The following BDP1 variants were observed in gnomAD, a reference collection of about 807,000 sequenced individuals.
BDP1 encodes the protein transcription factor TFIIIB component B'' homolog.
A neutral mutation model predicts 266.6 loss-of-function variants in BDP1; 169 were observed. The ratio of observed to expected loss-of-function variants is 0.63; its 90% CI spans 0.56 to 0.72. The LOEUF (loss-of-function observed/expected upper bound fraction) is 0.72. Among genes scored for constraint, BDP1 ranks in the 30% least tolerant of loss-of-function variants. The pLI is 0.00. For missense variants in BDP1, 3,015 were observed against 3,053.8 expected (o/e 0.99, Z 0.30); for synonymous variants, 1,090 against 1,022.4 (o/e 1.07, Z -1.26).
chr5:71,489,078 A>G (rs772446964), intron 9 of BDP1, among the ~76,000 whole-genome samples: 4 of 152,230 alleles, frequency 2.6e-5, no homozygotes, highest in Admixed American at 6.5e-5. Context: ...AACCCAGTGT[A>G]AGTCAAGGAG....
At position 71,510,709 on chromosome 5, in the gene BDP1, A is replaced by C. The variant is rs569498892; in HGVS notation, c.3617A>C (p.Glu1206Ala). The change falls in exon 17 of 39, where the codon GAA becomes GCA. Residue 1206 changes from glutamate (E) to alanine (A), a missense_variant. Glu to Ala is a moderately radical substitution (Grantham distance 107, BLOSUM62 -1). Coordinates refer to ENST00000358731, the MANE Select transcript of BDP1 (RefSeq NM_018429.3). ...IETDLEETER[E>A]ISPQENGPEE... is the part of the protein sequence containing the mutation. Reference sequence around the variant, plus strand: ...ACAGATTTGGAAGAAACTGAAAGAGAAATATCGCCACAGGAAAATGGCCCA... The same window carrying C: ...ACAGATTTGGAAGAAACTGAAAGAGCAATATCGCCACAGGAAAATGGCCCA... The C allele has an allele frequency of 6.2e-7, 1 of 1,614,006 alleles. No homozygotes were observed. The highest frequency in any genetic ancestry group is 1.3e-5 in the African/African-American group (1 of 75,054).
intron 4 of BDP1, among the ~76,000 whole-genome samples, chr5:71,464,428 A>G (rs1434273234): frequency 6.6e-6 from 1 of 152,096 alleles, no homozygotes; most frequent in Non-Finnish European, 1.5e-5. Flanking sequence ...CCACATGTTC[A>G]AGGCTGTAGT....
At chr5:71,474,410 C>T (rs1762460742) in intron 7 of BDP1, among the ~76,000 whole-genome samples, 1 of 151,820 alleles carries the variant, frequency 6.6e-6, no homozygotes, top group African/African-American at 2.4e-5. Context: ...GCAAACTCCA[C>T]CTCCCAGGCT....
rs1293360083 is a variant in BDP1 at position 71,510,869 on chromosome 5, AAG to A, written c.3781_3782del (p.Asp1261HisfsTer15). On this transcript the variant is annotated frameshift_variant, in exon 17 of 39. Transcript: ENST00000358731. LOFTEE classifies it high-confidence loss of function. The part of the protein sequence containing the change: ...KEIDLKETGK[R>X]DIPIMEKVSG... Reference sequence around the variant, plus strand: ...AGATTGATTTGAAAGAAACTGGAAAAAGAGACATTCCCATCATGGAGAAAGTA... The same window carrying A: ...AGATTGATTTGAAAGAAACTGGAAAAAGACATTCCCATCATGGAGAAAGTA... 2.5e-6 allele frequency: 4 copies of A among 1,613,562 alleles called. No homozygotes were observed. In the African/African-American group the frequency reaches 4.0e-5, roughly 16 times the overall value.
chr5:71,526,673 ATCTC>A (rs1168496357), intron 25 of BDP1, among the ~76,000 whole-genome samples: 2 of 142,232 alleles, frequency 1.4e-5, no homozygotes, highest in East Asian at 4.2e-4. Context: ...AAAATTTACT[ATCTC>A]TCTCTCTGTT....
chr5:71,531,073 CAA>C (rs374795676), intron 25 of BDP1, among the ~76,000 whole-genome samples: 1 of 148,042 alleles, frequency 6.8e-6, no homozygotes, highest in Admixed American at 6.7e-5. Context: ...GGCTTTGTCT[CAA>C]AAAAAAAATA....
chr5:71,472,350 A>ACT (rs1762303573), intron 7 of BDP1, among the ~76,000 whole-genome samples: 1 of 152,140 alleles, frequency 6.6e-6, no homozygotes. Context: ...AATCCCAGCT[A>ACT]CTCGGGAGGC....
chr5:71,511,250 A>C (rs760400038), intron 17 of BDP1, 99 bp downstream of exon 17: 1 of 1,161,222 alleles, frequency 8.6e-7, no homozygotes. Flanking sequence ...ACAACACTTA[A>C]AAATCTCTAA....
rs6452722 is a variant in BDP1, at chr5:71,467,232, G to A, written c.786-122G>A. ...TTGGAAAATACCCATATTTCACATA[G>A]GTATTATTATGCCTTTGATATGATT... is the stretch of plus-strand genomic sequence containing the variant. On this transcript the variant is annotated intron_variant, in intron 5 of 38. Transcript: ENST00000358731. The A allele has an allele frequency of 0.82, 605,694 of 739,446 alleles. 249,829 individuals carry two copies. Among genetic ancestry groups the A allele is most frequent in the East Asian group, 0.87 (33,248 of 37,998 alleles). The allele number at this position is 739,446 out of a possible 1,614,324, so 45.8% of individuals were successfully genotyped here.
At chr5:71,527,463 T>C (rs1376561792) in intron 25 of BDP1, among the ~76,000 whole-genome samples, 1 of 152,206 alleles carries the variant, frequency 6.6e-6, no homozygotes, top group Non-Finnish European at 1.5e-5. Flanking sequence ...TGGCAACCAC[T>C]TTTCTACATC....
chr5:71,459,327 C>T (rs1208914310), intron 2 of BDP1, among the ~76,000 whole-genome samples: 1 of 152,152 alleles, frequency 6.6e-6, no homozygotes, highest in Non-Finnish European at 1.5e-5. Flanking sequence ...GCCTGGCCAA[C>T]ATGGCAAAAC....
intron 7 of BDP1, among the ~76,000 whole-genome samples, chr5:71,477,774 A>G (rs1184524225): frequency 6.6e-6 from 1 of 151,674 alleles, no homozygotes; most frequent in Non-Finnish European, 1.5e-5. Context: ...ATGTGTCACT[A>G]TGCCCACCTA....
At chr5:71,501,469 C>G (rs916972181) in intron 13 of BDP1, 93 bp from the exon 14 acceptor site, 45 of 830,582 alleles carry the variant, frequency 5.4e-5, no homozygotes, top group Non-Finnish European at 8.4e-5. Flanking sequence ...CCACCGTGCC[C>G]GGCCAGTTCT....
chr5:71,522,531 A>G (rs766642760), intron 23 of BDP1, 41 bp downstream of exon 23: 40 of 1,507,006 alleles, frequency 2.7e-5, no homozygotes, highest in Middle Eastern at 3.5e-4. Context: ...TTTTTTCTCA[A>G]TGAGGTCTGT....
At chr5:71,470,111 G>A (rs867915775) in intron 6 of BDP1, among the ~76,000 whole-genome samples, 1 of 151,968 alleles carries the variant, frequency 6.6e-6, no homozygotes, top group East Asian at 1.9e-4. Flanking sequence ...AAAGTGCTGG[G>A]ATTACAGGCG....
intron 25 of BDP1, among the ~76,000 whole-genome samples, chr5:71,525,400 C>G (rs1346949609): frequency 7.3e-6 from 1 of 137,860 alleles, no homozygotes. Context: ...GGCTGACCCC[C>G]CCACCTCCCT....
chr5:71,484,946 C>G (rs145425863), intron 8 of BDP1, among the ~76,000 whole-genome samples: 14 of 152,092 alleles, frequency 9.2e-5, no homozygotes, highest in African/African-American at 3.4e-4. Flanking sequence ...AGTGTTTTAT[C>G]GGGTCTTTAG....
At chr5:71,507,998 C>A (rs1014945888) in intron 16 of BDP1, among the ~76,000 whole-genome samples, 1 of 152,182 alleles carries the variant, frequency 6.6e-6, no homozygotes, top group South Asian at 2.1e-4. Context: ...CAGAGTCTTA[C>A]TCTGTTGCCC....
At chr5:71,460,975 A>G (rs1019468203) in intron 2 of BDP1, among the ~76,000 whole-genome samples, 1 of 152,056 alleles carries the variant, frequency 6.6e-6, no homozygotes, top group African/African-American at 2.4e-5. Context: ...TATTAGTTTT[A>G]TTCTTTGGTT....
Sources: gnomAD v4.1 joint callset for allele counts (sites outside exome capture counted in the v4.1 genomes callset) on GRCh38, gnomAD v4.1.1 for gene constraint, MANE v1.5 for transcripts, NCBI Gene and HGNC (gene_info 2026-07-23, HGNC 2026-07-21) for gene names.